The following ATP2C1 variants were observed in gnomAD, a reference collection of about 807,000 sequenced individuals.
ATP2C1 encodes ATPase secretory pathway Ca2+ transporting 1.
ATP2C1 carries 31 observed loss-of-function variants against 120.5 expected under a neutral mutation model. The ratio of observed to expected loss-of-function variants is 0.26; its 90% confidence interval spans 0.19 to 0.35. The LOEUF is 0.35. ATP2C1 is among the 10% of genes least tolerant of loss of function. ATP2C1 has a pLI of 1.00. For synonymous variants in ATP2C1, 351 were observed against 358.7 expected, an observed-to-expected ratio of 0.98 and a Z score of 0.24; for missense variants, 731 against 1,107.5, an observed-to-expected ratio of 0.66 and a Z score of 4.83.
intron 2 of ATP2C1, among the ~76,000 whole-genome samples, chr3:130,895,388 C>T (rs1438143865): frequency 5.3e-5 from 8 of 152,206 alleles, no homozygotes; most frequent in Non-Finnish European, 1.2e-4. Flanking sequence ...ACACTTTGGA[C>T]ACATTAGATC....
At chr3:130,923,635 AG>A (rs2059066842) in intron 2 of ATP2C1, among the ~76,000 whole-genome samples, 1 of 151,994 alleles carries the variant, frequency 6.6e-6, no homozygotes, top group Non-Finnish European at 1.5e-5. Flanking sequence ...TGGGAGGCAT[AG>A]GTGGGTGGAT....
intron 11 of ATP2C1, among the ~76,000 whole-genome samples, chr3:130,956,609 TG>T (rs111765849): frequency 3.8e-4 from 57 of 151,628 alleles, no homozygotes; most frequent in African/African-American, 1.1e-3. Context: ...GGTTTTTTTT[TG>T]GTCATATAAA....
At chr3:130,856,610 G>A (rs190743233) in intron 1 of ATP2C1, among the ~76,000 whole-genome samples, 109 of 152,256 alleles carry the variant, frequency 7.2e-4, no homozygotes, top group African/African-American at 2.5e-3. Context: ...ATATTTGAGG[G>A]GAAACTAAAA....
intron 2 of ATP2C1, among the ~76,000 whole-genome samples, chr3:130,897,029 A>G (rs902103609): frequency 2.0e-5 from 3 of 152,342 alleles, no homozygotes. Flanking sequence ...AGTATCTGGC[A>G]CATAGTAAGT....
chr3:130,981,260 C>A (rs1321094658), intron 20 of ATP2C1, among the ~76,000 whole-genome samples: 3 of 152,094 alleles, frequency 2.0e-5, no homozygotes, highest in Admixed American at 6.6e-5. Context: ...TGCCACTTTA[C>A]CTTTTCTAGA....
At chr3:131,008,858 T>C (rs1297902364) in intron 26 of ATP2C1, among the ~76,000 whole-genome samples, 1 of 152,172 alleles carries the variant, frequency 6.6e-6, no homozygotes, top group South Asian at 2.1e-4. Flanking sequence ...AAGGCCCCCA[T>C]GTAGAGAAAG....
In ATP2C1 at chr3:130,973,268, A is replaced by T. The variant is rs142755630; in HGVS notation, c.1414-2064A>T. ...ACTGCTCAGCACAATATGTATGTTA[A>T]AGCAGAGTGGGGTGAGGGATAAACA... On this transcript the variant is annotated intron_variant, in intron 17 of 27. Transcript: ENST00000510168. 3.2e-3 allele frequency among the ~76,000 whole-genome samples: 494 copies of T among 152,278 alleles called. 5 individuals are homozygous for T. Among genetic ancestry groups the T allele is most frequent in the East Asian group, 9.3e-3 (48 of 5,174 alleles).
Position 130,932,227 on chromosome 3 carries a change from A to T in ATP2C1, c.234+89A>T, listed in dbSNP as rs1481118341. On this transcript the variant is annotated intron_variant, in intron 4 of 27. Transcript: ENST00000510168. ...GTTGCTTACTTTTGTGATACTGTTT[A>T]TGGAGAAAGGAAATAATTTTTAGAT... The T allele has an allele frequency of 1.1e-5, 9 of 852,576 alleles. No homozygotes were observed. In the African/African-American group the frequency reaches 1.2e-4, roughly 11 times the overall value. 52.8% of individuals were successfully genotyped at this position (852,576 alleles called of 1,614,324 possible).
At chr3:130,935,701 G>A (rs1228284170) in intron 5 of ATP2C1, among the ~76,000 whole-genome samples, 3 of 152,152 alleles carry the variant, frequency 2.0e-5, no homozygotes, top group Non-Finnish European at 4.4e-5. Flanking sequence ...AACTGTTAGA[G>A]CCTTAGCACA....
rs2061084479 is a variant in ATP2C1 at position 130,967,184 on chromosome 3, G to A, written c.1162G>A (p.Val388Ile). Residue 388 changes from valine (V) to isoleucine (I), a missense_variant, in exon 15 of 28, where the codon GTT becomes ATT. By Grantham distance (29) the Val-to-Ile change is conservative (BLOSUM62 3). Coordinates refer to ENST00000510168, the MANE Select transcript of ATP2C1 (RefSeq NM_001378687.1). ...VGYNQFGEVI[V>I]DGDVVHGFYN... ...CTATAATCAATTTGGGGAAGTGATT[G>A]TTGATGGTGATGTTGTTCATGGATT... The A allele has an allele frequency of 1.2e-6, 2 of 1,613,746 alleles. No individual in the cohort carries two copies. The highest frequency in any genetic ancestry group is 1.7e-5 in the Admixed American group (1 of 59,972).
chr3:130,992,956 A>G lies in ATP2C1; in HGVS notation c.1845A>G (p.Ala615=), dbSNP rs1367621783. 1 of 1,611,486 alleles carries G rather than the reference A, an allele frequency of 6.2e-7. No individual in the cohort carries two copies. The highest frequency in any genetic ancestry group is 8.5e-7 in the Non-Finnish European group (1 of 1,177,824). ...TGTATCTTGTATTTTAACAGGTTGC[A>G]GTATTTTACAGAGCTAGCCCAAGGC... ...QQLSQIVPKV[A]VFYRASPRHK... Residue 615 remains alanine, a synonymous_variant, in exon 21 of 28, where the codon GCA becomes GCG. Transcript: ENST00000510168.
intron 8 of ATP2C1, among the ~76,000 whole-genome samples, chr3:130,942,181 A>G (rs1253115295): frequency 6.6e-6 from 1 of 152,230 alleles, no homozygotes; most frequent in East Asian, 1.9e-4. Flanking sequence ...TGGGGAAGAC[A>G]ATGAAGCAAC....
In ATP2C1 at chr3:130,998,492, T is replaced by A. The variant is rs937252519; in HGVS notation, c.2487+103T>A. 29 of 891,346 alleles carry A rather than the reference T, an allele frequency of 3.3e-5. 1 individual carries two copies. 55.2% of individuals were successfully genotyped at this position (891,346 alleles called of 1,614,324 possible). A position where few individuals can be genotyped will look rare whatever the true frequency, so the allele number is the denominator to read the frequency against. On this transcript the variant is annotated intron_variant, in intron 26 of 27. Transcript: ENST00000510168. The stretch of plus-strand genomic sequence containing the variant: ...TATGGGTTTTTAGCTTTGCTTAATT[T>A]TGTAGCCACAGATTGCAGCCCCAGA...
At chr3:131,016,407 A>G in exon 27 of ATP2C1, 2 of 1,512,018 alleles carry the variant, frequency 1.3e-6, no homozygotes, top group Admixed American at 1.7e-5. Context: ...TTTTCTCCAC[A>G]TATACTACAA....
chr3:130,936,356 C>G (rs2059670166), intron 5 of ATP2C1, among the ~76,000 whole-genome samples: 1 of 152,104 alleles, frequency 6.6e-6, no homozygotes, highest in Non-Finnish European at 1.5e-5. Context: ...AAGATCCATT[C>G]AAATGCAAGA....
chr3:130,998,639 T>G (rs1413273596), intron 26 of ATP2C1, among the ~76,000 whole-genome samples: 2 of 152,222 alleles, frequency 1.3e-5, no homozygotes, highest in Non-Finnish European at 2.9e-5. Context: ...GTCATCTGCG[T>G]TTAGCTGGCT....
chr3:131,008,854 C>T (rs2063211537), intron 26 of ATP2C1, among the ~76,000 whole-genome samples: 1 of 152,136 alleles, frequency 6.6e-6, no homozygotes, highest in African/African-American at 2.4e-5. Context: ...CATCAAGGCC[C>T]CCATGTAGAG....
intron 2 of ATP2C1, among the ~76,000 whole-genome samples, chr3:130,913,243 T>C (rs2058525645): frequency 6.6e-6 from 1 of 151,172 alleles, no homozygotes; most frequent in South Asian, 2.1e-4. Context: ...ACTTAAAGTA[T>C]AATAAAAAAT....
chr3:130,874,352 GAC>G (rs1392561370), intron 1 of ATP2C1, among the ~76,000 whole-genome samples: 1 of 152,084 alleles, frequency 6.6e-6, no homozygotes, highest in Non-Finnish European at 1.5e-5. Context: ...TTAAAAAACA[GAC>G]ACACTTCTTA....
Sources: gnomAD v4.1 joint callset for allele counts (sites outside exome capture counted in the v4.1 genomes callset) on GRCh38, gnomAD v4.1.1 for gene constraint, MANE v1.5 for transcripts, NCBI Gene and HGNC (gene_info 2026-07-23, HGNC 2026-07-21) for gene names.